NDUFAF6: variants seen among roughly 807,000 people sequenced by gnomAD.
NDUFAF6 encodes the protein NADH:ubiquinone oxidoreductase complex assembly factor 6.
In NDUFAF6, 45 loss-of-function variants were observed where a neutral mutation model predicts 40.8. That is an observed-to-expected ratio of 1.10 (90% CI 0.87 to 1.42). The LOEUF is 1.42. Among genes scored for constraint, NDUFAF6 ranks in the 40% most tolerant of loss-of-function variants. The pLI, the probability that NDUFAF6 is intolerant of heterozygous loss-of-function variation, is 0.00. For synonymous variants in NDUFAF6, 185 were observed against 155.9 expected (o/e 1.19, Z -1.39); for missense variants, 435 against 418.5 (o/e 1.04, Z -0.34).
At chr8:94,992,744 C>T (rs928002659) in intron 2 of NDUFAF6, among the ~76,000 whole-genome samples, 8 of 152,146 alleles carry the variant, frequency 5.3e-5, no homozygotes, top group African/African-American at 1.7e-4. Flanking sequence ...GTGTTCATGA[C>T]GCAAACATTC....
chr8:95,099,860 C>T (rs150966967), upstream of NDUFAF6, among the ~76,000 whole-genome samples: 119 of 152,300 alleles, frequency 7.8e-4, no homozygotes, highest in South Asian at 2.1e-3. Flanking sequence ...TCCTATAATA[C>T]GGCATCTGCA....
intron 1 of NDUFAF6, chr8:94,980,836 C>A: frequency 2.3e-6 from 1 of 428,310 alleles, no homozygotes; most frequent in South Asian, 1.6e-5. Context: ...TCCATCAAGA[C>A]TACCTTGTAT....
At chr8:94,948,387 T>C (rs1822203297) in intron 2 of NDUFAF6, among the ~76,000 whole-genome samples, 1 of 152,202 alleles carries the variant, frequency 6.6e-6, no homozygotes, top group Non-Finnish European at 1.5e-5. Flanking sequence ...GCATAGTATA[T>C]GGCACATACT....
intron 1 of NDUFAF6, among the ~76,000 whole-genome samples, chr8:94,902,819 C>T (rs571184732): frequency 2.0e-3 from 308 of 151,686 alleles, no homozygotes; most frequent in Admixed American, 3.9e-3. Context: ...CCTCAGCCTC[C>T]CGAGTAGTTG....
rs538175597 is a variant in NDUFAF6 at position 94,969,177 on chromosome 8, C to T, written c.-199+10998C>T. 8.5e-5 allele frequency among the ~76,000 whole-genome samples: 13 copies of T among 152,148 alleles called. No homozygotes were observed. In the East Asian group the frequency reaches 9.7e-4, roughly 11 times the overall value. On this transcript the variant is annotated intron_variant, in intron 1 of 9. Coordinates refer to the NDUFAF6 transcript ENST00000396111. ...CAGAGAACTAGATGAGATGAATCACCTAGGGAGTAAGTATTAATGGAGAAT... is the reference window on the plus strand; with the variant it reads ...CAGAGAACTAGATGAGATGAATCACTTAGGGAGTAAGTATTAATGGAGAAT...
intron 1 of NDUFAF6, among the ~76,000 whole-genome samples, chr8:94,899,984 C>G (rs983363309): frequency 6.6e-6 from 1 of 152,200 alleles, no homozygotes; most frequent in Non-Finnish European, 1.5e-5. Flanking sequence ...GCACCTGCAC[C>G]TCATTCTCCC....
intron 2 of NDUFAF6, among the ~76,000 whole-genome samples, chr8:94,947,622 T>C (rs940937670): frequency 1.3e-5 from 2 of 152,228 alleles, no homozygotes; most frequent in African/African-American, 4.8e-5. Flanking sequence ...GTTCCACTTA[T>C]GTGAAGACTG....
At chr8:95,089,210 A>G (rs1344222211) in intron 2 of NDUFAF6, among the ~76,000 whole-genome samples, 1 of 151,374 alleles carries the variant, frequency 6.6e-6, no homozygotes. Flanking sequence ...ACAGGCACAC[A>G]CCACCTCGTC....
chr8:94,948,521 GGCCGCGGACA>G (rs1407310663), intron 2 of NDUFAF6, among the ~76,000 whole-genome samples: 1 of 152,250 alleles, frequency 6.6e-6, no homozygotes, highest in Non-Finnish European at 1.5e-5. Context: ...GCAAGGGACA[GGCCGCGGACA>G]GGCGGGGGCC....
chr8:94,983,256 CTTTTT>C (rs1173077785), intron 2 of NDUFAF6, among the ~76,000 whole-genome samples: 1 of 83,186 alleles, frequency 1.2e-5, no homozygotes, highest in Non-Finnish European at 2.5e-5. Flanking sequence ...CTTTGCTATT[CTTTTT>C]TTTTTTTTTT....
intron 2 of NDUFAF6, among the ~76,000 whole-genome samples, chr8:94,989,669 T>G (rs1449252418): frequency 6.6e-6 from 1 of 152,198 alleles, no homozygotes; most frequent in Non-Finnish European, 1.5e-5. Flanking sequence ...AGGTTCGTAT[T>G]TTAATGTTGA....
At chr8:94,932,558 C>T (rs1820518755) in intron 1 of NDUFAF6, among the ~76,000 whole-genome samples, 1 of 152,246 alleles carries the variant, frequency 6.6e-6, no homozygotes, top group Non-Finnish European at 1.5e-5. Context: ...AATCCCAGCA[C>T]TTTGGGAGGC....
At chr8:94,944,953 A>C (rs1400887982) in intron 1 of NDUFAF6, among the ~76,000 whole-genome samples, 1 of 152,216 alleles carries the variant, frequency 6.6e-6, no homozygotes, top group African/African-American at 2.4e-5. Flanking sequence ...CACAAAAGGC[A>C]AGGAGCTATT....
intron 9 of NDUFAF6, among the ~76,000 whole-genome samples, chr8:95,070,101 C>T (rs1033578280): frequency 2.6e-5 from 4 of 151,744 alleles, no homozygotes; most frequent in Non-Finnish European, 4.4e-5. Context: ...AGAGGGCCTC[C>T]TTTTTTGAGA....
chr8:94,955,040 A>G (rs546038044), upstream of NDUFAF6, among the ~76,000 whole-genome samples: 1 of 152,292 alleles, frequency 6.6e-6, no homozygotes, highest in South Asian at 2.1e-4. Context: ...CTGCTCTGGA[A>G]TGGGGACAGT....
intron 1 of NDUFAF6, among the ~76,000 whole-genome samples, chr8:94,909,376 A>C (rs1161475847): frequency 1.7e-5 from 1 of 59,080 alleles, no homozygotes; most frequent in African/African-American, 5.1e-5. Context: ...AAAAAAAAAA[A>C]AAAAAACACT....
intron 1 of NDUFAF6, among the ~76,000 whole-genome samples, chr8:94,937,548 G>C (rs1355683031): frequency 6.6e-6 from 1 of 152,128 alleles, no homozygotes; most frequent in Admixed American, 6.5e-5. Context: ...GAAGGGATGG[G>C]GAGGAGGATG....
upstream of NDUFAF6, among the ~76,000 whole-genome samples, chr8:94,955,333 A>C (rs1363902725): frequency 6.6e-6 from 1 of 152,238 alleles, no homozygotes; most frequent in East Asian, 1.9e-4. Flanking sequence ...GAAAACGTGC[A>C]CACACATGAG....
intron 7 of NDUFAF6, among the ~76,000 whole-genome samples, chr8:95,051,903 A>G (rs936966148): frequency 6.6e-6 from 1 of 152,184 alleles, no homozygotes; most frequent in Non-Finnish European, 1.5e-5. Flanking sequence ...CTTACCACAG[A>G]GCTGGGGAGT....
Sources: gnomAD v4.1 joint callset for allele counts (sites outside exome capture counted in the v4.1 genomes callset) on GRCh38, gnomAD v4.1.1 for gene constraint, MANE v1.5 for transcripts, NCBI Gene and HGNC (gene_info 2026-07-23, HGNC 2026-07-21) for gene names.